Variants in OIT3 observed in about 807,000 individuals in gnomAD.
The protein encoded by OIT3 is oncoprotein induced transcript 3, also known as oncoprotein-induced transcript 3 protein.
In OIT3, 41 loss-of-function variants were observed where a neutral mutation model predicts 52.2. That is an observed-to-expected ratio of 0.79 (90% CI 0.61 to 1.02). OIT3 has a LOEUF of 1.02. Ranked by LOEUF, OIT3 falls within the 50% of genes least tolerant of loss-of-function variation. The probability of loss-of-function intolerance (pLI) is 0.00; values close to 1 mark genes in which losing one functional copy is unlikely to be tolerated. For synonymous variants in OIT3, 244 were observed against 276.9 expected, an observed-to-expected ratio of 0.88 and a Z score of 1.18; for missense variants, 634 against 715.5, an observed-to-expected ratio of 0.89 and a Z score of 1.30.
intron 4 of OIT3, among the ~76,000 whole-genome samples, chr10:72,908,130 C>A (rs775617018): frequency 6.6e-6 from 1 of 152,114 alleles, no homozygotes; most frequent in Non-Finnish European, 1.5e-5. Flanking sequence ...GTAATCCCAA[C>A]TACTCAGGTG....
intron 1 of OIT3, among the ~76,000 whole-genome samples, chr10:72,895,063 G>T (rs936545190): frequency 6.6e-6 from 1 of 152,094 alleles, no homozygotes; most frequent in Non-Finnish European, 1.5e-5. Flanking sequence ...TGTGACAAAG[G>T]TACCATGCCA....
In OIT3 at chr10:72,900,496, AT is replaced by A; in HGVS notation, c.544+13del. On this transcript the variant is annotated intron_variant, in intron 3 of 8. Transcript: ENST00000334011. ...GCAGACATGCTTTGGTAAGAAACTC[AT>A]CAAAGGTAGAATCAGGCTATTAGGA... 1 of 1,460,616 alleles carries A rather than the reference AT, an allele frequency of 6.8e-7. No individual in the cohort carries two copies. The highest frequency in any genetic ancestry group is 9.6e-7 in the Non-Finnish European group (1 of 1,042,588). The allele number at this position is 1,460,616 out of a possible 1,614,324, so 90.5% of individuals were successfully genotyped here. A position where few individuals can be genotyped will look rare whatever the true frequency, so the allele number is the denominator to read the frequency against.
At chr10:72,924,741 A>T in intron 7 of OIT3, 97 bp downstream of exon 7, 1 of 974,740 alleles carries the variant, frequency 1.0e-6, no homozygotes, top group Admixed American at 2.8e-5. Flanking sequence ...GCATGGTACC[A>T]CTGTCAGCAA....
chr10:72,916,938 C>G (rs1256265958), intron 6 of OIT3, among the ~76,000 whole-genome samples: 4 of 151,922 alleles, frequency 2.6e-5, no homozygotes, highest in African/African-American at 9.7e-5. Flanking sequence ...TGATGTTGAG[C>G]TTTTTTTTCA....
chr10:72,924,672 C>G, intron 7 of OIT3, 28 bp downstream of exon 7: 1 of 1,555,964 alleles, frequency 6.4e-7, no homozygotes, highest in South Asian at 1.2e-5. Context: ...ATGGTCTCAT[C>G]ACCCCTAGTT....
At chr10:72,897,246 A>G (rs1299811568) in intron 1 of OIT3, among the ~76,000 whole-genome samples, 1 of 151,860 alleles carries the variant, frequency 6.6e-6, no homozygotes, top group Non-Finnish European at 1.5e-5. Context: ...CTGGTCTCGA[A>G]CTCCTGACCT....
intron 6 of OIT3, among the ~76,000 whole-genome samples, chr10:72,922,675 ACTT>A (rs1846131659): frequency 6.6e-6 from 1 of 151,938 alleles, no homozygotes; most frequent in African/African-American, 2.4e-5. Flanking sequence ...TCTGAGATCT[ACTT>A]CTGTTATTTC....
At chr10:72,908,059 A>G (rs1243710900) in intron 4 of OIT3, among the ~76,000 whole-genome samples, 3 of 152,124 alleles carry the variant, frequency 2.0e-5, no homozygotes, top group South Asian at 2.1e-4. Flanking sequence ...CCTGGCCAAC[A>G]TGGTAAAACC....
At chr10:72,908,599 C>G (rs1257346602) in intron 4 of OIT3, among the ~76,000 whole-genome samples, 1 of 151,958 alleles carries the variant, frequency 6.6e-6, no homozygotes, top group Non-Finnish European at 1.5e-5. Flanking sequence ...ATTGAATAGG[C>G]GTAGTATCCA....
intron 2 of OIT3, among the ~76,000 whole-genome samples, chr10:72,900,064 T>C (rs773076240): frequency 2.0e-5 from 3 of 152,132 alleles, no homozygotes; most frequent in Non-Finnish European, 4.4e-5. Flanking sequence ...ATGCCCTAGA[T>C]TGTTGTTTTC....
At chr10:72,904,599 ACTT>A (rs1385447570) in intron 3 of OIT3, among the ~76,000 whole-genome samples, 1 of 152,006 alleles carries the variant, frequency 6.6e-6, no homozygotes, top group African/African-American at 2.4e-5. Flanking sequence ...CTTTTTACAC[ACTT>A]CTTTTATTTT....
intron 3 of OIT3, among the ~76,000 whole-genome samples, chr10:72,903,834 C>T (rs1008762452): frequency 2.0e-5 from 3 of 151,878 alleles, no homozygotes; most frequent in Non-Finnish European, 4.4e-5. Context: ...AACAATAAAC[C>T]CCAAATAATG....
chr10:72,913,497 A>G (rs1161733211), intron 6 of OIT3, 29 bp downstream of exon 6: 2 of 1,579,176 alleles, frequency 1.3e-6, no homozygotes, highest in Non-Finnish European at 1.7e-6. Flanking sequence ...GCACTTGGGG[A>G]ATGACCAAAA....
At chr10:72,931,971 T>C (rs904442130) in intron 8 of OIT3, among the ~76,000 whole-genome samples, 3 of 152,206 alleles carry the variant, frequency 2.0e-5, no homozygotes, top group African/African-American at 7.2e-5. Context: ...CACTGGTTAT[T>C]TGACAGCACA....
intron 3 of OIT3, among the ~76,000 whole-genome samples, chr10:72,905,639 C>T (rs187900000): frequency 7.6e-4 from 116 of 152,244 alleles, no homozygotes; most frequent in African/African-American, 2.7e-3. Flanking sequence ...TTCAAGTTTC[C>T]CCATACCATG....
At chr10:72,904,705 C>T (rs1246202918) in intron 3 of OIT3, among the ~76,000 whole-genome samples, 1 of 152,076 alleles carries the variant, frequency 6.6e-6, no homozygotes, top group East Asian at 1.9e-4. Flanking sequence ...AGTTCAAAGC[C>T]TCTAATTATC....
Position 72,911,767 on chromosome 10 carries a change from G to C in OIT3, c.718G>C (p.Gly240Arg). The C allele has an allele frequency of 6.2e-7, 1 of 1,613,792 alleles. No individual in the cohort carries two copies. Among genetic ancestry groups the C allele is most frequent in the Non-Finnish European group, 8.5e-7 (1 of 1,179,782 alleles). ...NNGGCSHSCL[G>R]SEKGYQCECP... ...TGGTGGCTGCAGCCACTCTTGCCTT[G>C]GATCTGAGAAAGGCTACCAGTGTGA... The change falls in exon 5 of 9, where the codon GGA becomes CGA. Residue 240 changes from glycine to arginine, a missense_variant. Gly to Arg is a moderately radical substitution (Grantham distance 125, BLOSUM62 -2). Transcript: ENST00000334011.
intron 8 of OIT3, 118 bp from the exon 9 acceptor site, chr10:72,932,236 A>G (rs773742340): frequency 1.1e-6 from 1 of 894,312 alleles, no homozygotes; most frequent in Non-Finnish European, 1.8e-6. Flanking sequence ...CTACTTGTGG[A>G]TGTCCTTGTT....
In OIT3 at chr10:72,927,092, A is replaced by G. The variant is rs564594005; in HGVS notation, c.1367+2448A>G. On this transcript the variant is annotated intron_variant, in intron 7 of 8. Transcript: ENST00000334011. The stretch of plus-strand genomic sequence containing the variant: ...TTAGTAGAGCTTGTGAAACTTATTT[A>G]TATATGCATTATTCAGTCTCTTAGT... 1.6e-4 allele frequency among the ~76,000 whole-genome samples: 25 copies of G among 152,310 alleles called. No homozygotes were observed. In the South Asian group the frequency reaches 5.2e-3, roughly 32 times the overall value.
Sources: allele counts gnomAD v4.1 joint callset (sites outside exome capture counted in the v4.1 genomes callset), GRCh38; gene constraint gnomAD v4.1.1; transcripts MANE v1.5; gene names NCBI Gene and HGNC (gene_info 2026-07-23, HGNC 2026-07-21).